MLXIPL: variants seen among roughly 807,000 people sequenced by gnomAD.
MLXIPL encodes MLX interacting protein like, also known as carbohydrate-responsive element-binding protein.
MLXIPL carries 49 observed loss-of-function variants against 81.5 expected under a neutral mutation model. The observed-to-expected ratio is 0.60, with a 90% confidence interval of 0.48 to 0.76. The LOEUF is 0.76. Ranked by LOEUF, MLXIPL falls within the 30% of genes least tolerant of loss-of-function variation. The pLI is 0.00. For synonymous variants in MLXIPL, 466 were observed against 485.5 expected, an observed-to-expected ratio of 0.96 and a Z score of 0.53; for missense variants, 1,053 against 1,167.0, an observed-to-expected ratio of 0.90 and a Z score of 1.42.
chr7:73,626,061 T>C (rs1166399884), upstream of MLXIPL, among the ~76,000 whole-genome samples: 3 of 142,236 alleles, frequency 2.1e-5, no homozygotes, highest in Non-Finnish European at 3.1e-5. Flanking sequence ...TGGAGTGCAA[T>C]GGCACGATCT....
chr7:73,642,412 T>C, the MLXIPL span, among the ~76,000 whole-genome samples: 14 of 152,116 alleles, frequency 9.2e-5, no homozygotes, highest in Non-Finnish European at 4.4e-5. Flanking sequence ...AGTGCAGTAG[T>C]GCGATCTTGG....
chr7:73,624,238 T>G lies in MLXIPL; in HGVS notation c.255A>C (p.Thr85=), dbSNP rs1584162914. 5 of 1,562,118 alleles carry G rather than the reference T, an allele frequency of 3.2e-6. No individual in the cohort carries two copies. Among genetic ancestry groups the G allele is most frequent in the African/African-American group, 1.4e-5 (1 of 71,102 alleles). The change falls in exon 1 of 17, where the codon ACA becomes ACC. Residue 85 remains threonine (T), a synonymous_variant. Coordinates refer to ENST00000313375, the MANE Select transcript of MLXIPL (RefSeq NM_032951.3). ...TCAAGCACTCGAAGAGGCGTGTGAG[T>G]GTGGGGTCGATACTGCGCGGCCCGA... ...SDFGPRSIDP[T]LTRLFECLSL...
chr7:73,600,101 A>T (rs1794667224), intron 7 of MLXIPL, among the ~76,000 whole-genome samples: 1 of 151,542 alleles, frequency 6.6e-6, no homozygotes, highest in African/African-American at 2.4e-5. Flanking sequence ...GTACGGTGCT[A>T]GGGGAGGAGG....
At chr7:73,638,771 T>C in the MLXIPL span, among the ~76,000 whole-genome samples, 1 of 151,870 alleles carries the variant, frequency 6.6e-6, no homozygotes, top group East Asian at 1.9e-4. Context: ...TACAGGCACC[T>C]GTCACCATGC....
chr7:73,612,479 GA>G (rs1795750581), intron 2 of MLXIPL, among the ~76,000 whole-genome samples: 1 of 151,644 alleles, frequency 6.6e-6, no homozygotes, highest in African/African-American at 2.4e-5. Flanking sequence ...TGTCTCTACC[GA>G]AAATACAAAA....
At chr7:73,612,376 C>T (rs1335045789) in intron 2 of MLXIPL, among the ~76,000 whole-genome samples, 1 of 151,942 alleles carries the variant, frequency 6.6e-6, no homozygotes, top group African/African-American at 2.4e-5. Context: ...CGCGGTGGCT[C>T]ACGCCTGTAA....
At chr7:73,603,884 T>G (rs1432083019) in intron 7 of MLXIPL, among the ~76,000 whole-genome samples, 1 of 152,134 alleles carries the variant, frequency 6.6e-6, no homozygotes, top group African/African-American at 2.4e-5. Flanking sequence ...GGTGGCCCTG[T>G]GGTCAGGAGA....
At chr7:73,620,927 G>A (rs562115176) in intron 1 of MLXIPL, among the ~76,000 whole-genome samples, 1 of 151,430 alleles carries the variant, frequency 6.6e-6, no homozygotes, top group South Asian at 2.1e-4. Context: ...GCACATGCCT[G>A]TTACCTCAGC....
At position 73,623,019 on chromosome 7, in the gene MLXIPL, T is replaced by C. The variant is rs1796478580; in HGVS notation, c.293+1181A>G. 6.6e-6 allele frequency among the ~76,000 whole-genome samples: 1 copy of C among 151,906 alleles called. No individual in the cohort carries two copies. Among genetic ancestry groups the C allele is most frequent in the African/African-American group, 2.4e-5 (1 of 41,368 alleles). ...GGAGGGAGGGAGAAGGGACGGGAAT[T>C]TGAACTTTCCACACGGGTCCGACGC... On this transcript the variant is annotated intron_variant, in intron 1 of 16. Coordinates refer to ENST00000313375, the MANE Select transcript of MLXIPL (RefSeq NM_032951.3). This position sits in a 1 kb window ranked among gnomAD's most constrained non-coding sequence, Gnocchi z 5.7.
the MLXIPL span, among the ~76,000 whole-genome samples, chr7:73,636,284 C>T: frequency 6.6e-6 from 1 of 151,852 alleles, no homozygotes; most frequent in Non-Finnish European, 1.5e-5. Context: ...GTGGTTTATG[C>T]CTGTAGTCCC....
At chr7:73,599,849 ACTGGGAGGGTTT>A (rs1450255537) in intron 7 of MLXIPL, among the ~76,000 whole-genome samples, 154 bp from the exon 8 acceptor site, 3 of 151,920 alleles carry the variant, frequency 2.0e-5, no homozygotes, top group Admixed American at 2.0e-4. Context: ...AGATTGTGAA[ACTGGGAGGGTTT>A]CTGTCTCGAT....
At chr7:73,646,650 C>T in the MLXIPL span, among the ~76,000 whole-genome samples, 1 of 152,146 alleles carries the variant, frequency 6.6e-6, no homozygotes, top group Non-Finnish European at 1.5e-5. Context: ...TACTACAGCT[C>T]AGACCTCTTC....
chr7:73,634,877 G>A, the MLXIPL span, among the ~76,000 whole-genome samples: 2 of 148,038 alleles, frequency 1.4e-5, no homozygotes, highest in African/African-American at 2.5e-5. Flanking sequence ...GTGCAGGGGC[G>A]GGATCTTGGC....
At chr7:73,640,057 A>G in the MLXIPL span, among the ~76,000 whole-genome samples, 1 of 151,124 alleles carries the variant, frequency 6.6e-6, no homozygotes, top group African/African-American at 2.4e-5. Context: ...GCGAGACTCC[A>G]TCTCAAAAAA....
the MLXIPL span, among the ~76,000 whole-genome samples, chr7:73,639,994 A>T: frequency 6.6e-6 from 1 of 151,900 alleles, no homozygotes; most frequent in South Asian, 2.1e-4. Context: ...GAACCCAGGC[A>T]GAGCTTGCAG....
At chr7:73,633,065 G>GCC in the MLXIPL span, among the ~76,000 whole-genome samples, 2 of 144,784 alleles carry the variant, frequency 1.4e-5, no homozygotes, top group East Asian at 4.1e-4. Context: ...ATAGGAGTGA[G>GCC]CCACCCCACC....
chr7:73,607,496 C>G, intron 3 of MLXIPL, 76 bp from the exon 4 acceptor site: 1 of 1,548,878 alleles, frequency 6.5e-7, no homozygotes, highest in East Asian at 2.3e-5. Context: ...TTCACCCCAT[C>G]CCTGTCTGCT....
the MLXIPL span, among the ~76,000 whole-genome samples, chr7:73,637,873 G>T: frequency 6.6e-6 from 1 of 152,348 alleles, no homozygotes; most frequent in Middle Eastern, 3.4e-3. Context: ...TAAGGGCACT[G>T]ATGGAGGTCA....
chr7:73,614,764 C>CCAACCA (rs1795900288), intron 2 of MLXIPL, among the ~76,000 whole-genome samples: 1 of 151,972 alleles, frequency 6.6e-6, no homozygotes, highest in Non-Finnish European at 1.5e-5. Flanking sequence ...TATCTCCACA[C>CCAACCA]CAACCATGAA....
Sources: gnomAD v4.1 joint callset for allele counts (sites outside exome capture counted in the v4.1 genomes callset) on GRCh38, gnomAD v4.1.1 for gene constraint, Gnocchi (gnomAD v3.1) non-coding constraint, MANE v1.5 for transcripts, NCBI Gene and HGNC (gene_info 2026-07-23, HGNC 2026-07-21) for gene names.